Variants in ANKS1B observed in about 807,000 individuals in gnomAD.
The protein encoded by ANKS1B is ankyrin repeat and sterile alpha motif domain containing 1B.
In ANKS1B, 36 loss-of-function variants were observed where a neutral mutation model predicts 148.3. That is an observed-to-expected ratio of 0.24 (90% CI 0.19 to 0.32). The LOEUF (loss-of-function observed/expected upper bound fraction) is 0.32, where lower values mean the gene tolerates loss of function less well. Among genes scored for constraint, ANKS1B ranks in the 10% least tolerant of loss-of-function variants. ANKS1B has a pLI of 1.00. For missense variants in ANKS1B, 1,157 were observed against 1,542.6 expected (o/e 0.75, Z 4.19); for synonymous variants, 542 against 560.8 (o/e 0.97, Z 0.47).
chr12:99,260,526 G>C (rs141356455), intron 12 of ANKS1B, among the ~76,000 whole-genome samples: 323 of 152,232 alleles, frequency 2.1e-3, no homozygotes, highest in African/African-American at 7.0e-3. Flanking sequence ...CTATTAACAA[G>C]ATACACCATA....
At chr12:99,822,443 T>C (rs2082626843) in intron 2 of ANKS1B, among the ~76,000 whole-genome samples, 3 of 152,154 alleles carry the variant, frequency 2.0e-5, no homozygotes, top group Admixed American at 2.0e-4. Flanking sequence ...TTTTCAACCC[T>C]CCCTACCCCC....
At chr12:99,435,855 G>T (rs1034446092) in intron 11 of ANKS1B, among the ~76,000 whole-genome samples, 8 of 152,100 alleles carry the variant, frequency 5.3e-5, no homozygotes, top group Admixed American at 3.9e-4. Flanking sequence ...TTGGTCAGGG[G>T]TGGAACTCAG....
At chr12:99,353,408 A>C (rs2091652822) in intron 12 of ANKS1B, among the ~76,000 whole-genome samples, 1 of 152,034 alleles carries the variant, frequency 6.6e-6, no homozygotes, top group African/African-American at 2.4e-5. Context: ...ATCTTGTAAC[A>C]TACTGGTTTC....
intron 16 of ANKS1B, among the ~76,000 whole-genome samples, chr12:99,056,560 G>A (rs6538894): frequency 0.64 from 97,279 of 151,964 alleles, 31,470 homozygotes; most frequent in East Asian, 0.89. Context: ...TTGTATAAAA[G>A]CCTGTAGTGG....
intron 11 of ANKS1B, among the ~76,000 whole-genome samples, chr12:99,433,077 T>A (rs546815172): frequency 1.3e-5 from 2 of 152,166 alleles, no homozygotes; most frequent in South Asian, 4.1e-4. Context: ...TTTTCAAAGG[T>A]CTAGGCCAGA....
At position 99,069,179 on chromosome 12, in the gene ANKS1B, C is replaced by T. The variant is rs2372633; in HGVS notation, c.2625+15746G>A. 6.7e-3 allele frequency among the ~76,000 whole-genome samples: 1,018 copies of T among 152,184 alleles called. 15 individuals are homozygous for T. The highest frequency in any genetic ancestry group is 0.023 in the African/African-American group (974 of 41,508). ...GTGTGGGTGTTTGCAGACGTTATGCCTCTGGAGTTGCTCTAGCTTCCTTTC... is the reference window on the plus strand; with the variant it reads ...GTGTGGGTGTTTGCAGACGTTATGCTTCTGGAGTTGCTCTAGCTTCCTTTC... On this transcript the variant is annotated intron_variant, in intron 16 of 26. Transcript: ENST00000683438.
At chr12:99,103,668 T>G (rs536923362) in intron 15 of ANKS1B, among the ~76,000 whole-genome samples, 1 of 152,332 alleles carries the variant, frequency 6.6e-6, no homozygotes, top group Non-Finnish European at 1.5e-5. Flanking sequence ...TTCAACTTTT[T>G]GACTCATTTT....
intron 12 of ANKS1B, among the ~76,000 whole-genome samples, chr12:99,268,372 T>C (rs1383739469): frequency 6.6e-6 from 1 of 152,242 alleles, no homozygotes; most frequent in Non-Finnish European, 1.5e-5. Context: ...TGCTTATACC[T>C]GGATAGATCT....
At chr12:99,811,876 T>C (rs2068418742) in intron 3 of ANKS1B, among the ~76,000 whole-genome samples, 1 of 152,012 alleles carries the variant, frequency 6.6e-6, no homozygotes, top group African/African-American at 2.4e-5. Context: ...AAATATTCAA[T>C]GGCTATAAAA....
At chr12:98,968,221 A>AC (rs2099880191) in intron 17 of ANKS1B, among the ~76,000 whole-genome samples, 3 of 152,138 alleles carry the variant, frequency 2.0e-5, no homozygotes. Flanking sequence ...AGAGGTAAAA[A>AC]CAACAACAAA....
intron 14 of ANKS1B, among the ~76,000 whole-genome samples, chr12:99,155,855 C>T (rs919066667): frequency 1.3e-5 from 2 of 152,224 alleles, no homozygotes; most frequent in Non-Finnish European, 1.5e-5. Context: ...CTACTTCTCA[C>T]GAAGCCTCAA....
At chr12:98,947,163 G>A (rs1293381246) in intron 17 of ANKS1B, among the ~76,000 whole-genome samples, 1 of 152,124 alleles carries the variant, frequency 6.6e-6, no homozygotes, top group Non-Finnish European at 1.5e-5. Flanking sequence ...TTTTAGCCCA[G>A]TGCAGAAGCA....
At chr12:99,745,829 T>C (rs1053019355) in intron 8 of ANKS1B, among the ~76,000 whole-genome samples, 2 of 152,080 alleles carry the variant, frequency 1.3e-5, no homozygotes, top group Admixed American at 1.3e-4. Flanking sequence ...ACTTCAATTA[T>C]ATTTTATGAT....
chr12:99,974,345 T>G (rs1240227394), intron 1 of ANKS1B, among the ~76,000 whole-genome samples: 2 of 152,230 alleles, frequency 1.3e-5, no homozygotes, highest in African/African-American at 2.4e-5. Flanking sequence ...CTCACTTTAT[T>G]GCAGTGGTCT....
intron 12 of ANKS1B, among the ~76,000 whole-genome samples, chr12:99,332,475 G>A (rs2087762274): frequency 6.6e-6 from 1 of 151,938 alleles, no homozygotes; most frequent in Non-Finnish European, 1.5e-5. Flanking sequence ...TGAGGTGTCA[G>A]GGCTAGAAGG....
At chr12:98,930,694 G>A (rs1388630479) in intron 17 of ANKS1B, among the ~76,000 whole-genome samples, 2 of 151,510 alleles carry the variant, frequency 1.3e-5, no homozygotes, top group East Asian at 2.0e-4. Context: ...CATATTGTAC[G>A]ATTCTGTTTA....
chr12:99,862,060 T>C (rs944824447), intron 1 of ANKS1B, among the ~76,000 whole-genome samples: 6 of 152,194 alleles, frequency 3.9e-5, no homozygotes, highest in Non-Finnish European at 8.8e-5. Context: ...TTCATTGTAA[T>C]AGCTCTAGAA....
chr12:98,797,194 A>G (rs2153576856), intron 22 of ANKS1B, among the ~76,000 whole-genome samples: 1 of 152,346 alleles, frequency 6.6e-6, no homozygotes, highest in East Asian at 1.9e-4. Flanking sequence ...CCAGAATTAT[A>G]AAACCAGGGA....
chr12:99,354,592 T>C (rs1260224776), intron 12 of ANKS1B, among the ~76,000 whole-genome samples: 1 of 152,060 alleles, frequency 6.6e-6, no homozygotes, highest in Non-Finnish European at 1.5e-5. Flanking sequence ...GAAATGCTCA[T>C]TGAACCCACT....
Sources: allele counts gnomAD v4.1 joint callset (sites outside exome capture counted in the v4.1 genomes callset), GRCh38; gene constraint gnomAD v4.1.1; transcripts MANE v1.5; gene names NCBI Gene and HGNC (gene_info 2026-07-23, HGNC 2026-07-21).